The following ATIC variants were observed in gnomAD, a reference collection of about 807,000 sequenced individuals.
ATIC encodes the protein bifunctional purine biosynthesis protein ATIC.
ATIC carries 64 observed loss-of-function variants against 72.5 expected under a neutral mutation model. The ratio of observed to expected loss-of-function variants is 0.88; its 90% CI spans 0.72 to 1.09. The LOEUF (loss-of-function observed/expected upper bound fraction) is 1.09, where lower values mean the gene tolerates loss of function less well. Among genes scored for constraint, ATIC ranks in the 50% least tolerant of loss-of-function variants. The probability of loss-of-function intolerance (pLI) is 0.00; values close to 1 mark genes in which losing one functional copy is unlikely to be tolerated. For synonymous variants in ATIC, 281 were observed against 267.1 expected (o/e 1.05, Z -0.51); for missense variants, 787 against 732.4 (o/e 1.07, Z -0.86).
chr2:215,368,106 G>T, the ATIC span: 1 of 1,405,202 alleles, frequency 7.1e-7, no homozygotes, highest in Admixed American at 1.8e-5. Flanking sequence ...TCGAATGACT[G>T]TATACAATGA....
intron 4 of ATIC, among the ~76,000 whole-genome samples, chr2:215,320,668 C>T (rs1356342453): frequency 6.6e-6 from 1 of 152,158 alleles, no homozygotes; most frequent in Admixed American, 6.5e-5. Flanking sequence ...CAACCTCTGC[C>T]TCCTGTGTTC....
the ATIC span, among the ~76,000 whole-genome samples, chr2:215,358,457 G>T: frequency 6.6e-6 from 1 of 152,008 alleles, no homozygotes; most frequent in East Asian, 1.9e-4. Context: ...GAAATAGTTG[G>T]TTCTCCTGTT....
intron 6 of ATIC, among the ~76,000 whole-genome samples, 186 bp from the exon 7 acceptor site, chr2:215,326,635 GA>G (rs1291357859): frequency 6.6e-6 from 1 of 151,570 alleles, no homozygotes; most frequent in Non-Finnish European, 1.5e-5. Flanking sequence ...GATTGAAAAA[GA>G]ATTGGAAAGG....
intron 7 of ATIC, among the ~76,000 whole-genome samples, chr2:215,330,017 C>T (rs1192652202): frequency 2.6e-5 from 4 of 152,224 alleles, no homozygotes; most frequent in African/African-American, 7.2e-5. Flanking sequence ...CCACCTTGGC[C>T]TCCCAAAGTG....
At chr2:215,313,969 CAA>C (rs1177644846) in intron 2 of ATIC, among the ~76,000 whole-genome samples, 1 of 152,102 alleles carries the variant, frequency 6.6e-6, no homozygotes, top group African/African-American at 2.4e-5. Flanking sequence ...CTTCGTAAAG[CAA>C]AATCCTCATC....
intron 4 of ATIC, among the ~76,000 whole-genome samples, chr2:215,324,053 T>C (rs762968114): frequency 9.9e-5 from 15 of 151,956 alleles, no homozygotes; most frequent in Non-Finnish European, 7.4e-5. Context: ...TGCGCCACCT[T>C]GCCCGGCTAA....
At chr2:215,367,612 G>T in the ATIC span, 2 of 503,986 alleles carry the variant, frequency 4.0e-6, no homozygotes, top group South Asian at 2.1e-5. Context: ...AATCAAATTA[G>T]CACCATAATC....
chr2:215,361,872 TAA>T, the ATIC span: 3 of 1,478,272 alleles, frequency 2.0e-6, no homozygotes, highest in Admixed American at 4.5e-5. Flanking sequence ...TTTTTTTTTT[TAA>T]TTAATTAAAA....
intron 11 of ATIC, among the ~76,000 whole-genome samples, chr2:215,337,889 G>T (rs959113363): frequency 6.6e-6 from 1 of 152,114 alleles, no homozygotes; most frequent in African/African-American, 2.4e-5. Flanking sequence ...CACATTGGAC[G>T]CATGATTATA....
At chr2:215,353,711 G>A (rs926023839), downstream of ATIC, among the ~76,000 whole-genome samples, 5 of 151,806 alleles carry the variant, frequency 3.3e-5, no homozygotes, top group South Asian at 2.1e-4. Context: ...ATAGGTGCAC[G>A]CCACCACACC....
At chr2:215,353,051 C>A (rs968648763), downstream of ATIC, among the ~76,000 whole-genome samples, 7 of 152,142 alleles carry the variant, frequency 4.6e-5, no homozygotes, top group African/African-American at 1.7e-4. Context: ...CAATTTCTTC[C>A]TGCAGGTTTA....
At chr2:215,336,929 CT>C (rs2052962163) in intron 11 of ATIC, among the ~76,000 whole-genome samples, 1 of 152,164 alleles carries the variant, frequency 6.6e-6, no homozygotes, top group South Asian at 2.1e-4. Context: ...TGGTTTTATA[CT>C]TTTAAAAAGT....
rs150270007 is a variant in ATIC at position 215,349,118 on chromosome 2, G to A, written c.1528G>A (p.Ala510Thr). ...GEDEDLIKWK[A>T]LFEEVPELLT... ...GGATGAAGATTTGATAAAGTGGAAG[G>A]CACTGTTTGAGGAAGTCCCTGAGTT... The change falls in exon 15 of 16, where the codon GCA (alanine) becomes ACA (threonine). Residue 510 changes from alanine to threonine, a missense_variant. Coordinates refer to ENST00000236959, the MANE Select transcript of ATIC (RefSeq NM_004044.7). 386 of 1,613,914 alleles carry A rather than the reference G, an allele frequency of 2.4e-4. No individual in the cohort carries two copies. The highest frequency in any genetic ancestry group is 3.2e-4 in the Non-Finnish European group (377 of 1,179,988).
intron 11 of ATIC, among the ~76,000 whole-genome samples, chr2:215,337,692 T>G (rs11673966): frequency 0.67 from 102,090 of 152,062 alleles, 35,282 homozygotes; most frequent in East Asian, 1. Flanking sequence ...AAGTTTTTTT[T>G]TTGTTGTTGT....
At chr2:215,358,816 TAAAAGTAA>T in the ATIC span, among the ~76,000 whole-genome samples, 1 of 152,242 alleles carries the variant, frequency 6.6e-6, no homozygotes, top group Admixed American at 6.5e-5. Context: ...CATTTCAACA[TAAAAGTAA>T]AGGGGCTTGC....
chr2:215,340,364 AT>A (rs899434201), intron 12 of ATIC, among the ~76,000 whole-genome samples: 17 of 152,130 alleles, frequency 1.1e-4, no homozygotes, highest in African/African-American at 4.1e-4. Flanking sequence ...GCTGACATTT[AT>A]TTTTTGGAGT....
At chr2:215,314,721 G>C (rs1213481606) in intron 2 of ATIC, among the ~76,000 whole-genome samples, 1 of 151,928 alleles carries the variant, frequency 6.6e-6, no homozygotes, top group Admixed American at 6.6e-5. Flanking sequence ...GGCTGATCTC[G>C]AACTCCTGAC....
intron 2 of ATIC, 140 bp downstream of exon 2, chr2:215,312,764 T>G (rs2052668088): frequency 1.2e-5 from 17 of 1,362,868 alleles, no homozygotes; most frequent in Non-Finnish European, 1.7e-5. Context: ...CCCCACTTTA[T>G]GGGGAAAAAA....
downstream of ATIC, among the ~76,000 whole-genome samples, chr2:215,354,142 C>G (rs190507884): frequency 2.4e-3 from 372 of 152,232 alleles, 1 homozygote; most frequent in African/African-American, 8.5e-3. Flanking sequence ...ATTCTCATGC[C>G]TCAGCCTCCC....
Sources: allele counts gnomAD v4.1 joint callset (sites outside exome capture counted in the v4.1 genomes callset), GRCh38; gene constraint gnomAD v4.1.1; transcripts MANE v1.5; gene names NCBI Gene and HGNC (gene_info 2026-07-23, HGNC 2026-07-21).